The following TRAPPC9 variants were observed in gnomAD, a reference collection of about 807,000 sequenced individuals.
The protein encoded by TRAPPC9 is trafficking protein particle complex subunit 9, also known as IKK2 binding protein.
A neutral mutation model predicts 124.0 loss-of-function variants in TRAPPC9; 83 were observed. That is an observed-to-expected ratio of 0.67 (90% CI 0.56 to 0.80). The LOEUF (loss-of-function observed/expected upper bound fraction) is 0.80, where lower values mean the gene tolerates loss of function less well. TRAPPC9 is among the 30% of genes least tolerant of loss of function. TRAPPC9 has a pLI of 0.00. For synonymous variants in TRAPPC9, 638 were observed against 617.5 expected (o/e 1.03, Z -0.49); for missense variants, 1,302 against 1,508.3 (o/e 0.86, Z 2.27).
intron 21 of TRAPPC9, among the ~76,000 whole-genome samples, chr8:139,732,631 G>A (rs545752728): frequency 1.3e-5 from 2 of 152,354 alleles, no homozygotes; most frequent in South Asian, 4.1e-4. Context: ...GCAGGCCCGA[G>A]GTCCCTCTCC....
chr8:139,813,005 G>A (rs554427355), intron 21 of TRAPPC9, among the ~76,000 whole-genome samples: 1 of 152,358 alleles, frequency 6.6e-6, no homozygotes, highest in African/African-American at 2.4e-5. Context: ...CTCCAAATGG[G>A]TGTGACCGGC....
intron 3 of TRAPPC9, among the ~76,000 whole-genome samples, chr8:140,437,823 C>A (rs1266995716): frequency 1.3e-5 from 2 of 152,132 alleles, no homozygotes; most frequent in African/African-American, 4.8e-5. Flanking sequence ...TCCATCCTCC[C>A]AGGACCACCT....
At chr8:140,363,985 G>A (rs771142972) in intron 8 of TRAPPC9, among the ~76,000 whole-genome samples, 8 of 152,198 alleles carry the variant, frequency 5.3e-5, no homozygotes, top group Non-Finnish European at 1.0e-4. Flanking sequence ...AACGGCATTC[G>A]ATGAAAGAGA....
At chr8:139,864,690 G>C (rs981112083) in intron 21 of TRAPPC9, among the ~76,000 whole-genome samples, 1 of 148,758 alleles carries the variant, frequency 6.7e-6, no homozygotes, top group Admixed American at 6.8e-5. Flanking sequence ...GCAGCATGCC[G>C]ACCGCCAGCA....
intron 19 of TRAPPC9, chr8:139,914,960 G>T (rs1342003220): frequency 6.6e-6 from 1 of 152,344 alleles, no homozygotes; most frequent in Admixed American, 6.5e-5. Flanking sequence ...CCATCAGAAG[G>T]TTTCCAAAAA....
intron 17 of TRAPPC9, among the ~76,000 whole-genome samples, chr8:140,117,916 C>G (rs2060920061): frequency 6.6e-6 from 1 of 152,190 alleles, no homozygotes; most frequent in Admixed American, 6.5e-5. Flanking sequence ...AGATTTATCT[C>G]AAGCTAAAGA....
At chr8:139,924,571 G>T (rs1449178516) in intron 19 of TRAPPC9, among the ~76,000 whole-genome samples, 1 of 152,196 alleles carries the variant, frequency 6.6e-6, no homozygotes, top group African/African-American at 2.4e-5. Flanking sequence ...CAGCCACCAG[G>T]AAGCCCTGCC....
intron 9 of TRAPPC9, among the ~76,000 whole-genome samples, chr8:140,358,265 G>A (rs2067815167): frequency 6.6e-6 from 1 of 152,190 alleles, no homozygotes; most frequent in South Asian, 2.1e-4. Flanking sequence ...GGAGTGCAAT[G>A]GCGCAACATT....
Position 140,196,600 on chromosome 8 carries a change from A to G in TRAPPC9, c.2556+24859T>C, listed in dbSNP as rs543091812. Among the ~76,000 whole-genome samples the G allele has an allele frequency of 1.1e-4, 16 of 150,304 alleles. No homozygotes were observed. In the South Asian group the frequency reaches 3.4e-3, roughly 32 times the overall value. On this transcript the variant is annotated intron_variant, in intron 17 of 22. Coordinates refer to ENST00000438773, the MANE Select transcript of TRAPPC9 (RefSeq NM_001160372.4). ...TAAAACACACTCAACGATCCACCAT[A>G]CAGATCACACCTGTGACACTAAAAC...
chr8:140,438,725 G>A (rs183462517), intron 3 of TRAPPC9, among the ~76,000 whole-genome samples: 8 of 151,436 alleles, frequency 5.3e-5, no homozygotes, highest in Admixed American at 3.3e-4. Context: ...ATGGAGTCTC[G>A]CTCTGTTGCC....
chr8:139,786,240 T>A (rs1220122258), intron 21 of TRAPPC9, among the ~76,000 whole-genome samples: 1 of 151,938 alleles, frequency 6.6e-6, no homozygotes, highest in African/African-American at 2.4e-5. Context: ...AGTAAAATAA[T>A]AGGCAAAAGA....
chr8:140,275,857 G>A (rs1382912536), intron 14 of TRAPPC9, 36 bp from the exon 15 acceptor site: 53 of 1,563,606 alleles, frequency 3.4e-5, no homozygotes, highest in Non-Finnish European at 4.5e-5. Context: ...GAAGAAAGAA[G>A]GAAGAAGCCA....
intron 21 of TRAPPC9, among the ~76,000 whole-genome samples, chr8:139,799,289 A>G (rs1586867531): frequency 6.6e-6 from 1 of 152,102 alleles, no homozygotes; most frequent in East Asian, 1.9e-4. Flanking sequence ...TAATCCACCC[A>G]TCCTGAATTC....
At chr8:140,048,166 C>A (rs1026714421) in intron 17 of TRAPPC9, among the ~76,000 whole-genome samples, 3 of 152,220 alleles carry the variant, frequency 2.0e-5, no homozygotes, top group African/African-American at 7.2e-5. Context: ...GCTGTGGGTC[C>A]CTGAGCATGC....
At chr8:139,844,074 C>T (rs960868162) in intron 21 of TRAPPC9, among the ~76,000 whole-genome samples, 3 of 152,202 alleles carry the variant, frequency 2.0e-5, no homozygotes, top group African/African-American at 4.8e-5. Flanking sequence ...CAGGCTTCAG[C>T]GGCTTCCCAG....
chr8:140,190,855 G>A (rs375490105), intron 17 of TRAPPC9, among the ~76,000 whole-genome samples: 96 of 152,272 alleles, frequency 6.3e-4, no homozygotes, highest in Non-Finnish European at 9.0e-4. Context: ...GAACAGAGAC[G>A]AATAGAGGGT....
chr8:140,149,740 A>C (rs546533848), intron 17 of TRAPPC9, among the ~76,000 whole-genome samples: 35 of 152,262 alleles, frequency 2.3e-4, no homozygotes, highest in African/African-American at 7.9e-4. Context: ...AATGTACGTG[A>C]GTCATCATCC....
intron 16 of TRAPPC9, among the ~76,000 whole-genome samples, chr8:140,243,862 G>A (rs192508855): frequency 5.3e-5 from 8 of 152,368 alleles, no homozygotes; most frequent in South Asian, 2.1e-4. Context: ...GCGGGGGCCC[G>A]CAACCCCTGG....
intron 21 of TRAPPC9, among the ~76,000 whole-genome samples, chr8:139,784,408 T>A (rs1822037099): frequency 6.6e-6 from 1 of 151,708 alleles, no homozygotes; most frequent in Non-Finnish European, 1.5e-5. Flanking sequence ...ACCCCATCTC[T>A]ACTAAAAATT....
Sources: gnomAD v4.1 joint callset for allele counts (sites outside exome capture counted in the v4.1 genomes callset) on GRCh38, gnomAD v4.1.1 for gene constraint, MANE v1.5 for transcripts, NCBI Gene and HGNC (gene_info 2026-07-23, HGNC 2026-07-21) for gene names.